Variants in ADAM22 observed in about 807,000 individuals in gnomAD.
ADAM22 encodes ADAM metallopeptidase domain 22.
In ADAM22, 65 loss-of-function variants were observed where a neutral mutation model predicts 144.6. The observed-to-expected ratio is 0.45, with a 90% CI of 0.37 to 0.55. The LOEUF is 0.55. ADAM22 is among the 20% of genes least tolerant of loss of function. ADAM22 has a pLI of 0.00. For synonymous variants in ADAM22, 391 were observed against 412.6 expected, an observed-to-expected ratio of 0.95 and a Z score of 0.63; for missense variants, 974 against 1,184.9, an observed-to-expected ratio of 0.82 and a Z score of 2.61.
chr7:87,963,780 G>A (rs1037311255), intron 2 of ADAM22, among the ~76,000 whole-genome samples: 2 of 152,128 alleles, frequency 1.3e-5, no homozygotes, highest in African/African-American at 4.8e-5. Flanking sequence ...ACCATCCTGT[G>A]ATGGCTCCTT....
chr7:87,986,843 T>C (rs143052113), intron 3 of ADAM22, among the ~76,000 whole-genome samples: 1 of 152,350 alleles, frequency 6.6e-6, no homozygotes, highest in Non-Finnish European at 1.5e-5. Flanking sequence ...AGCCTGTTAT[T>C]TAAATTGTAA....
intron 25 of ADAM22, among the ~76,000 whole-genome samples, chr7:88,170,901 T>C (rs75589514): frequency 0.01 from 1,594 of 152,046 alleles, 25 homozygotes; most frequent in African/African-American, 0.036. Context: ...TGGAAACTCA[T>C]TTAAGTCGAT....
At chr7:88,040,793 G>A (rs1020798819) in intron 3 of ADAM22, among the ~76,000 whole-genome samples, 1 of 151,954 alleles carries the variant, frequency 6.6e-6, no homozygotes, top group Non-Finnish European at 1.5e-5. Context: ...TGCTCAGGGT[G>A]AAATAAAGGT....
At chr7:88,193,898 CAG>C (rs374230070) in intron 31 of ADAM22, among the ~76,000 whole-genome samples, 3 of 152,326 alleles carry the variant, frequency 2.0e-5, no homozygotes, top group East Asian at 3.9e-4. Context: ...AATTTTAACT[CAG>C]AGTCAGTAAG....
chr7:88,041,255 A>G (rs975466956), intron 3 of ADAM22, among the ~76,000 whole-genome samples: 2 of 151,984 alleles, frequency 1.3e-5, no homozygotes, highest in African/African-American at 4.8e-5. Flanking sequence ...TGGGGTGGGA[A>G]TCTTGGGGGC....
rs1329031469 is a variant in ADAM22 at position 88,200,387 on chromosome 7, G to A, written c.*3896G>A. 2.6e-5 allele frequency: 4 copies of A among 152,172 alleles called. No individual in the cohort carries two copies. The highest frequency in any genetic ancestry group is 1.5e-5 in the Non-Finnish European group (1 of 68,040). 9.4% of individuals were successfully genotyped at this position (152,172 alleles called of 1,614,324 possible). ...AGTAGCTTGTAGAGTATATGGAAGG[G>A]GAGAGCCAAGTTAGGAACTGGCAGG... On this transcript the variant is annotated 3_prime_UTR_variant, in exon 32 of 32. Transcript: ENST00000413139.
At chr7:87,987,772 A>C (rs111589878) in intron 3 of ADAM22, among the ~76,000 whole-genome samples, 142 of 152,320 alleles carry the variant, frequency 9.3e-4, no homozygotes, top group Non-Finnish European at 1.7e-3. Context: ...ATCTGCACAG[A>C]GCTGGCTTAA....
intron 3 of ADAM22, among the ~76,000 whole-genome samples, chr7:88,045,860 C>T (rs1424217081): frequency 1.4e-5 from 2 of 142,322 alleles, no homozygotes; most frequent in Non-Finnish European, 3.0e-5. Flanking sequence ...ACAGGATTTC[C>T]TTCATTTTAA....
At chr7:88,098,123 C>A (rs1000036344) in intron 4 of ADAM22, among the ~76,000 whole-genome samples, 21 of 152,130 alleles carry the variant, frequency 1.4e-4, no homozygotes, top group African/African-American at 5.1e-4. Context: ...ATATTAATTT[C>A]TCTCGACTAT....
In ADAM22 at chr7:88,128,671, C is replaced by A; in HGVS notation, c.748C>A (p.Leu250Ile). 1 of 1,610,650 alleles carries A rather than the reference C, an allele frequency of 6.2e-7. No individual in the cohort carries two copies. The change falls in exon 9 of 32, where the codon CTT (leucine) becomes ATT (isoleucine). Residue 250 changes from leucine (L) to isoleucine (I), a missense_variant. Leu to Ile is a conservative substitution (Grantham distance 5). This residue lies in a region of ADAM22 where 734 missense variants were observed against 950.6 expected (regional missense o/e 0.77). Coordinates refer to ENST00000413139, the MANE Select transcript of ADAM22 (RefSeq NM_001324418.2). ...TGAACTGATGATTGTGAATGATCAC[C>A]TTATGGTAGGATTTGCTGTTGTTTT... is the stretch of plus-strand genomic sequence containing the variant. ...YIELMIVNDH[L>I]MFKKHRLSVV...
chr7:88,097,643 A>T (rs931772497), intron 4 of ADAM22, among the ~76,000 whole-genome samples: 1 of 151,402 alleles, frequency 6.6e-6, no homozygotes, highest in African/African-American at 2.4e-5. Flanking sequence ...AAAGAAAACA[A>T]CAACAAACAT....
At chr7:88,142,869 A>G (rs1182457631) in intron 14 of ADAM22, among the ~76,000 whole-genome samples, 157 bp from the exon 15 acceptor site, 2 of 152,122 alleles carry the variant, frequency 1.3e-5, no homozygotes. Flanking sequence ...TATTGACTGA[A>G]CAAAACTCTT....
intron 3 of ADAM22, among the ~76,000 whole-genome samples, chr7:88,004,397 A>AG (rs1329499996): frequency 6.6e-6 from 1 of 152,250 alleles, no homozygotes; most frequent in Non-Finnish European, 1.5e-5. Flanking sequence ...AAAGTACTGA[A>AG]GAGAGAATGG....
intron 2 of ADAM22, among the ~76,000 whole-genome samples, chr7:87,965,651 G>A (rs181230654): frequency 6.6e-5 from 10 of 152,220 alleles, no homozygotes; most frequent in African/African-American, 2.2e-4. Flanking sequence ...GTAAAAGTGA[G>A]CCTTTACTCT....
intron 18 of ADAM22, among the ~76,000 whole-genome samples, chr7:88,150,095 A>G (rs1182633833): frequency 6.6e-6 from 1 of 152,188 alleles, no homozygotes; most frequent in Non-Finnish European, 1.5e-5. Flanking sequence ...ATATGTCACA[A>G]TCACCTTATT....
chr7:88,014,127 G>A lies in ADAM22; in HGVS notation c.323+35715G>A, dbSNP rs116800532. On this transcript the variant is annotated intron_variant, in intron 3 of 31. Coordinates refer to ENST00000413139, the MANE Select transcript of ADAM22 (RefSeq NM_001324418.2). Reference sequence around the variant, plus strand: ...ACTAAAAGTTTCCTAAAATCATCCCGTATCTATCTAGTGGCATATGTACCC... The same window carrying A: ...ACTAAAAGTTTCCTAAAATCATCCCATATCTATCTAGTGGCATATGTACCC... 3.2e-3 allele frequency among the ~76,000 whole-genome samples: 481 copies of A among 151,926 alleles called. 5 individuals are homozygous for A. The highest frequency in any genetic ancestry group is 0.011 in the African/African-American group (458 of 41,434).
At chr7:88,018,660 G>T (rs754959402) in intron 3 of ADAM22, among the ~76,000 whole-genome samples, 61 of 152,292 alleles carry the variant, frequency 4.0e-4, no homozygotes, top group Admixed American at 7.8e-4. Context: ...AGAAGATTTT[G>T]CAATTGAACT....
chr7:87,945,773 A>G (rs1169637381), intron 2 of ADAM22, among the ~76,000 whole-genome samples: 2 of 152,056 alleles, frequency 1.3e-5, no homozygotes, highest in African/African-American at 4.8e-5. Flanking sequence ...TCGGCCTCCC[A>G]AAGTGCTAGG....
At chr7:87,997,309 T>G (rs1001619004) in intron 3 of ADAM22, among the ~76,000 whole-genome samples, 6 of 152,248 alleles carry the variant, frequency 3.9e-5, no homozygotes, top group Non-Finnish European at 8.8e-5. Flanking sequence ...AGCTCCTCAT[T>G]TGGCAATAAA....
Sources: allele counts gnomAD v4.1 joint callset (sites outside exome capture counted in the v4.1 genomes callset), GRCh38; gene constraint gnomAD v4.1.1; regional missense constraint gnomAD v4.1.1; transcripts MANE v1.5; gene names NCBI Gene and HGNC (gene_info 2026-07-23, HGNC 2026-07-21).